The following SYNPO2 variants were observed in gnomAD, a reference collection of about 807,000 sequenced individuals.
SYNPO2 encodes synaptopodin-2.
SYNPO2 carries 56 observed loss-of-function variants against 85.0 expected under a neutral mutation model. The observed-to-expected ratio is 0.66, with a 90% CI of 0.53 to 0.82. The LOEUF (loss-of-function observed/expected upper bound fraction) is 0.82. SYNPO2 is among the 40% of genes least tolerant of loss of function. SYNPO2 has a pLI of 0.00. For synonymous variants in SYNPO2, 602 were observed against 591.1 expected (o/e 1.02, Z -0.27); for missense variants, 1,575 against 1,534.2 (o/e 1.03, Z -0.44).
chr4:118,872,157 A>G (rs1311335387), intron 1 of SYNPO2, among the ~76,000 whole-genome samples: 2 of 152,222 alleles, frequency 1.3e-5, no homozygotes, highest in African/African-American at 4.8e-5. Context: ...ATACAAGTGT[A>G]ATTTTATTAT....
At chr4:118,956,639 T>G (rs12508843) in intron 1 of SYNPO2, among the ~76,000 whole-genome samples, 103,422 of 151,996 alleles carry the variant, frequency 0.68, 35,313 homozygotes, top group Admixed American at 0.73. Context: ...TGGTGGGAGT[T>G]GGGGAGGTAA....
chr4:118,862,615 T>C (rs1262549964), intron 1 of SYNPO2, among the ~76,000 whole-genome samples: 1 of 152,250 alleles, frequency 6.6e-6, no homozygotes. Flanking sequence ...TCTGCTGATA[T>C]GATATACTGC....
At chr4:118,920,437 A>C (rs187587491) in intron 1 of SYNPO2, among the ~76,000 whole-genome samples, 22 of 152,232 alleles carry the variant, frequency 1.4e-4, no homozygotes, top group Non-Finnish European at 2.8e-4. Context: ...ATAAAAAACA[A>C]CTTTTATCTA....
chr4:119,050,283 G>T (rs917254905), intron 4 of SYNPO2, among the ~76,000 whole-genome samples: 1 of 151,632 alleles, frequency 6.6e-6, no homozygotes, highest in Non-Finnish European at 1.5e-5. Context: ...AGTGAGCCAG[G>T]ATCGCCCCAC....
intron 1 of SYNPO2, among the ~76,000 whole-genome samples, chr4:118,964,349 G>A (rs1286705072): frequency 1.3e-5 from 2 of 149,790 alleles, no homozygotes; most frequent in Non-Finnish European, 2.9e-5. Context: ...CACTAGCCAG[G>A]TGTGGTAGTT....
intron 1 of SYNPO2, among the ~76,000 whole-genome samples, chr4:118,997,276 A>G (rs2149171311): frequency 6.6e-6 from 1 of 151,620 alleles, no homozygotes; most frequent in Non-Finnish European, 1.5e-5. Context: ...AAATGTAATG[A>G]GGTAGGGAAA....
intron 1 of SYNPO2, among the ~76,000 whole-genome samples, chr4:118,960,928 C>G (rs963519922): frequency 9.2e-5 from 14 of 152,086 alleles, no homozygotes; most frequent in African/African-American, 2.9e-4. Context: ...TTCTAATTTC[C>G]TCCCTGCCAA....
At chr4:118,938,383 G>A (rs537763019) in intron 1 of SYNPO2, among the ~76,000 whole-genome samples, 2 of 152,076 alleles carry the variant, frequency 1.3e-5, no homozygotes, top group South Asian at 2.1e-4. Flanking sequence ...TTGTTATATC[G>A]TTATTTTTTA....
chr4:118,948,852 G>C (rs1270845723), intron 1 of SYNPO2, among the ~76,000 whole-genome samples: 1 of 152,126 alleles, frequency 6.6e-6, no homozygotes, highest in Non-Finnish European at 1.5e-5. Context: ...ATTTGGAGGG[G>C]ACAAATACCC....
chr4:119,057,678 A>C lies in SYNPO2; in HGVS notation c.3530A>C (p.Asn1177Thr). 3 of 1,614,176 alleles carry C rather than the reference A, an allele frequency of 1.9e-6. No homozygotes were observed. The highest frequency in any genetic ancestry group is 2.5e-6 in the Non-Finnish European group (3 of 1,180,040). ...CTTCCAGGGCCTCCAGAGGATTGGA[A>C]TGAAAGACTGTCCTATATTCCTCAA... ...KVLPGPPEDWNERLSYIPQTQ... is the reference protein window; with the variant it reads ...KVLPGPPEDWTERLSYIPQTQ... Residue 1177 changes from asparagine to threonine, a missense_variant, in exon 5 of 5, where the codon AAT becomes ACT. Asn to Thr is a moderately conservative substitution (Grantham distance 65, BLOSUM62 0). Transcript: ENST00000307142.
chr4:118,878,880 T>C lies in SYNPO2; in HGVS notation c.12+27940T>C, dbSNP rs1376747263. Among the ~76,000 whole-genome samples the C allele has an allele frequency of 3.3e-5, 5 of 152,216 alleles. No homozygotes were observed. The East Asian group carries it at 5.8e-4, about 18-fold the overall frequency. ...CACCCACTCAGGTCCTTTTCTGTCT[T>C]GTGGATGTTTTGTTCTTTCTCTCTC... is the stretch of plus-strand genomic sequence containing the variant. On this transcript the variant is annotated intron_variant, in intron 1 of 4. Coordinates refer to the SYNPO2 transcript ENST00000610556.
intron 1 of SYNPO2, among the ~76,000 whole-genome samples, chr4:118,942,766 T>A (rs1344351877): frequency 1.3e-5 from 2 of 152,140 alleles, no homozygotes; most frequent in Non-Finnish European, 2.9e-5. Context: ...CTAAACTTCC[T>A]GCAATACACA....
chr4:119,036,588 A>G lies in SYNPO2; in HGVS notation c.3252+4561A>G, dbSNP rs182012341. 54 of 985,502 alleles carry G rather than the reference A, an allele frequency of 5.5e-5. 1 individual carries two copies. In the East Asian group the frequency reaches 5.4e-3, roughly 99 times the overall value. 61.0% of individuals were successfully genotyped at this position (985,502 alleles called of 1,614,324 possible). On this transcript the variant is annotated intron_variant, in intron 4 of 4. Transcript: ENST00000307142. Reference sequence around the variant, plus strand: ...GCAAAATTGCTCTAAGAAGCCAGTTACTGTCATCCCTCTATGGTTCTAGAA... The same window carrying G: ...GCAAAATTGCTCTAAGAAGCCAGTTGCTGTCATCCCTCTATGGTTCTAGAA...
chr4:118,892,348 T>C (rs898563017), intron 1 of SYNPO2, among the ~76,000 whole-genome samples: 31 of 152,316 alleles, frequency 2.0e-4, no homozygotes, highest in African/African-American at 7.0e-4. Flanking sequence ...ATTCTAAATA[T>C]ATGTGATGGG....
At chr4:119,023,883 T>G (rs1296036267) in intron 2 of SYNPO2, among the ~76,000 whole-genome samples, 1 of 152,250 alleles carries the variant, frequency 6.6e-6, no homozygotes, top group Non-Finnish European at 1.5e-5. Context: ...AATATTTCTT[T>G]GATAGGTCAA....
chr4:119,007,233 T>C (rs5009034), intron 1 of SYNPO2, among the ~76,000 whole-genome samples: 1 of 42,090 alleles, frequency 2.4e-5, no homozygotes, highest in Non-Finnish European at 4.3e-5. Flanking sequence ...TATATATATA[T>C]ATATATATAT....
chr4:118,880,333 T>C (rs1732059067), intron 1 of SYNPO2, among the ~76,000 whole-genome samples: 1 of 152,210 alleles, frequency 6.6e-6, no homozygotes, highest in Non-Finnish European at 1.5e-5. Context: ...CAAGTTCATA[T>C]GTTGAAGACC....
At chr4:118,857,355 C>T (rs374819998) in intron 1 of SYNPO2, among the ~76,000 whole-genome samples, 5 of 152,120 alleles carry the variant, frequency 3.3e-5, no homozygotes, top group Admixed American at 6.5e-5. Context: ...CGAGAAACTT[C>T]GTAAAATGAT....
chr4:119,007,412 CAA>C (rs527931641), intron 1 of SYNPO2, among the ~76,000 whole-genome samples: 5 of 139,600 alleles, frequency 3.6e-5, no homozygotes, highest in African/African-American at 1.3e-4. Context: ...AAAAAACAAA[CAA>C]AAAAAAAACA....
Sources: gnomAD v4.1 joint callset for allele counts (sites outside exome capture counted in the v4.1 genomes callset) on GRCh38, gnomAD v4.1.1 for gene constraint, MANE v1.5 for transcripts, NCBI Gene and HGNC (gene_info 2026-07-23, HGNC 2026-07-21) for gene names.